Variants in HIKESHI observed in about 807,000 individuals in gnomAD.
HIKESHI encodes heat shock protein nuclear import factor hikeshi.
HIKESHI carries 13 observed loss-of-function variants against 25.7 expected under a neutral mutation model. The observed-to-expected ratio is 0.51, with a 90% CI of 0.33 to 0.80. HIKESHI has a LOEUF of 0.80. Ranked by LOEUF, HIKESHI falls within the 30% of genes least tolerant of loss-of-function variation. The pLI is 0.02. For missense variants in HIKESHI, 174 were observed against 229.5 expected (o/e 0.76, Z 1.56); for synonymous variants, 76 against 78.7 (o/e 0.97, Z 0.18).
chr11:86,318,027 G>A (rs577458577), intron 2 of HIKESHI, among the ~76,000 whole-genome samples: 142 of 152,048 alleles, frequency 9.3e-4, no homozygotes, highest in African/African-American at 3.2e-3. Context: ...CCTGAAGGCC[G>A]GGTGCAGTGG....
At position 86,325,712 on chromosome 11, in the gene HIKESHI, A is replaced by G. The variant is rs750392519; in HGVS notation, c.269-11667A>G. Among the ~76,000 whole-genome samples the G allele has an allele frequency of 1.3e-3, 192 of 151,840 alleles. 2 individuals are homozygous for G. The highest frequency in any genetic ancestry group is 1.0e-4 in the Non-Finnish European group (7 of 67,926). On this transcript the variant is annotated intron_variant, in intron 2 of 4. Transcript: ENST00000278483. Reference sequence around the variant, plus strand: ...TAGGGTGAAACGCCATCTCTACTAAAAATACAAAAATTAGCTGGGCGTGGT... The same window carrying G: ...TAGGGTGAAACGCCATCTCTACTAAGAATACAAAAATTAGCTGGGCGTGGT...
chr11:86,309,664 G>A (rs1223615991), intron 2 of HIKESHI, among the ~76,000 whole-genome samples: 1 of 152,158 alleles, frequency 6.6e-6, no homozygotes, highest in Non-Finnish European at 1.5e-5. Context: ...GTCCTGAATG[G>A]TATTGCATAG....
At position 86,307,867 on chromosome 11, in the gene HIKESHI, TA is replaced by T. The variant is rs1396342927; in HGVS notation, c.268+1389del. Among the ~76,000 whole-genome samples, 8 of 126,186 alleles carry T rather than the reference TA, an allele frequency of 6.3e-5. No homozygotes were observed. In the East Asian group the frequency reaches 6.8e-4, roughly 11 times the overall value. The allele number at this position is 126,186 out of a possible 152,430, so 82.8% of individuals were successfully genotyped here. On this transcript the variant is annotated intron_variant, in intron 2 of 4. Transcript: ENST00000278483. ...TATATTATGTGTAATATACATTATA[TA>T]AAATATATATTATGTGTAATATACA...
At chr11:86,316,749 T>G (rs1310561154) in intron 2 of HIKESHI, among the ~76,000 whole-genome samples, 1 of 147,680 alleles carries the variant, frequency 6.8e-6, no homozygotes, top group Non-Finnish European at 1.5e-5. Flanking sequence ...TTGCTGTTTA[T>G]GAGTAATGAA....
At chr11:86,312,045 G>A (rs536238795) in intron 2 of HIKESHI, among the ~76,000 whole-genome samples, 2 of 152,170 alleles carry the variant, frequency 1.3e-5, no homozygotes, top group South Asian at 2.1e-4. Context: ...TGTTGATTTG[G>A]TGTGGAGAGT....
chr11:86,338,665 A>C lies in HIKESHI; in HGVS notation c.420+1135A>C, dbSNP rs575259485. Among the ~76,000 whole-genome samples the C allele has an allele frequency of 4.5e-4, 68 of 152,370 alleles. No homozygotes were observed. In the Middle Eastern group the frequency reaches 0.027, roughly 61 times the overall value. ...AGGCGCACTTTTGAAGGTTGTGGTC[A>C]TGAATGTAAAGGTAGATTTGTCACA... is the stretch of plus-strand genomic sequence containing the variant. On this transcript the variant is annotated intron_variant, in intron 3 of 4. Transcript: ENST00000278483.
intron 2 of HIKESHI, among the ~76,000 whole-genome samples, chr11:86,318,244 C>T (rs1947042399): frequency 7.7e-6 from 1 of 129,266 alleles, no homozygotes; most frequent in African/African-American, 3.1e-5. Context: ...ACGGAGCTTG[C>T]AGTGAGCCAG....
chr11:86,319,849 A>C (rs1947105319), intron 2 of HIKESHI, among the ~76,000 whole-genome samples: 1 of 152,164 alleles, frequency 6.6e-6, no homozygotes, highest in South Asian at 2.1e-4. Flanking sequence ...CAGGAAGTAC[A>C]TATATGGATA....
intron 2 of HIKESHI, among the ~76,000 whole-genome samples, chr11:86,329,500 A>G (rs1947366369): frequency 6.6e-6 from 1 of 150,992 alleles, no homozygotes. Flanking sequence ...TAGCTTTAGG[A>G]TTTTCTGTAC....
At chr11:86,304,703 AC>A (rs1946575340) in intron 1 of HIKESHI, among the ~76,000 whole-genome samples, 1 of 152,048 alleles carries the variant, frequency 6.6e-6, no homozygotes, top group Non-Finnish European at 1.5e-5. Context: ...TTTAGTAGAT[AC>A]TACGTTTCGC....
At chr11:86,317,404 A>T (rs1947016276) in intron 2 of HIKESHI, among the ~76,000 whole-genome samples, 1 of 152,168 alleles carries the variant, frequency 6.6e-6, no homozygotes, top group South Asian at 2.1e-4. Context: ...GAAGAAAATG[A>T]TGATGCTAAA....
At chr11:86,341,563 C>G (rs1036971014) in intron 3 of HIKESHI, among the ~76,000 whole-genome samples, 2 of 150,770 alleles carry the variant, frequency 1.3e-5, no homozygotes, top group Non-Finnish European at 2.9e-5. Flanking sequence ...GGTGCAATCA[C>G]AGCTCACTGC....
rs767276538 is a variant in HIKESHI, at chr11:86,337,528, CA to C, written c.419del (p.Gln140ArgfsTer24). On this transcript the variant is annotated frameshift_variant and splice_region_variant, in exon 3 of 5. Transcript: ENST00000278483. LOFTEE classifies it high-confidence loss of function. ...AAVSSVDSFT[Q>X]FTQKMLDNFY... is the part of the protein sequence containing the mutation. ...TGTATCCTCAGTTGACTCATTCACT[CA>C]GGTAATGCAACATACATTTCATTCT... 8.1e-6 allele frequency: 13 copies of C among 1,611,026 alleles called. No homozygotes were observed. The highest frequency in any genetic ancestry group is 2.7e-5 in the African/African-American group (2 of 74,782).
intron 1 of HIKESHI, among the ~76,000 whole-genome samples, chr11:86,302,854 A>G (rs529045557): frequency 6.6e-6 from 1 of 152,328 alleles, no homozygotes; most frequent in South Asian, 2.1e-4. Flanking sequence ...ACTAAGTTCA[A>G]TCGCCAGTAT....
At chr11:86,331,575 G>T (rs1460700113) in intron 2 of HIKESHI, among the ~76,000 whole-genome samples, 1 of 152,152 alleles carries the variant, frequency 6.6e-6, no homozygotes, top group Admixed American at 6.5e-5. Flanking sequence ...CCACATTAGG[G>T]TGTAAGCTCT....
intron 2 of HIKESHI, among the ~76,000 whole-genome samples, chr11:86,309,254 C>T (rs1946768753): frequency 6.6e-6 from 1 of 152,078 alleles, no homozygotes; most frequent in Non-Finnish European, 1.5e-5. Flanking sequence ...TTTTAATGAT[C>T]ACCATTCTAA....
At chr11:86,320,481 C>T (rs1947119257) in intron 2 of HIKESHI, among the ~76,000 whole-genome samples, 1 of 152,214 alleles carries the variant, frequency 6.6e-6, no homozygotes, top group African/African-American at 2.4e-5. Context: ...GAGGCTGAGG[C>T]AGGAGAATCG....
chr11:86,302,801 A>C (rs1022355293), intron 1 of HIKESHI, among the ~76,000 whole-genome samples: 1 of 152,158 alleles, frequency 6.6e-6, no homozygotes, highest in African/African-American at 2.4e-5. Flanking sequence ...AATCCTCATA[A>C]CTCGTGAGAT....
chr11:86,308,831 G>C (rs1946755887), intron 2 of HIKESHI, among the ~76,000 whole-genome samples: 1 of 151,988 alleles, frequency 6.6e-6, no homozygotes, highest in Non-Finnish European at 1.5e-5. Context: ...TTGGTTTTCT[G>C]TCCTTGCGAT....
Sources: allele counts gnomAD v4.1 joint callset (sites outside exome capture counted in the v4.1 genomes callset), GRCh38; gene constraint gnomAD v4.1.1; transcripts MANE v1.5; gene names NCBI Gene and HGNC (gene_info 2026-07-23, HGNC 2026-07-21).